Variants in SACS observed in about 807,000 individuals in gnomAD.
SACS encodes the protein sacsin molecular chaperone.
A neutral mutation model predicts 348.0 loss-of-function variants in SACS; 197 were observed. The ratio of observed to expected loss-of-function variants is 0.57; its 90% confidence interval spans 0.50 to 0.64. The LOEUF is 0.64. SACS is among the 30% of genes least tolerant of loss of function. The pLI, the probability that SACS is intolerant of heterozygous loss-of-function variation, is 0.00. For synonymous variants in SACS, 1,985 were observed against 1,910.6 expected, an observed-to-expected ratio of 1.04 and a Z score of -1.02; for missense variants, 4,999 against 5,360.8, an observed-to-expected ratio of 0.93 and a Z score of 2.11.
intron 1 of SACS, chr13:23,427,749 G>A (rs1874245586): frequency 6.6e-6 from 1 of 152,226 alleles, no homozygotes; most frequent in Non-Finnish European, 1.5e-5. Flanking sequence ...TTCCTGAGGT[G>A]ACAAAGTGAA....
chr13:23,379,848 A>G (rs968996789), intron 2 of SACS, among the ~76,000 whole-genome samples: 2 of 152,332 alleles, frequency 1.3e-5, no homozygotes, highest in Non-Finnish European at 1.5e-5. Context: ...ATTGTCTTCT[A>G]TGAACAGGGC....
At chr13:23,412,514 A>G (rs1223737804) in intron 1 of SACS, among the ~76,000 whole-genome samples, 5 of 149,890 alleles carry the variant, frequency 3.3e-5, no homozygotes. Context: ...CCCGAGTTCA[A>G]GTGATTCTTC....
chr13:23,409,647 C>G (rs768480147), intron 2 of SACS, among the ~76,000 whole-genome samples: 8 of 151,846 alleles, frequency 5.3e-5, no homozygotes, highest in Non-Finnish European at 8.8e-5. Context: ...TATAAACCAG[C>G]CTGGTTTGAT....
At chr13:23,418,689 A>G (rs1270756326) in intron 1 of SACS, among the ~76,000 whole-genome samples, 1 of 152,120 alleles carries the variant, frequency 6.6e-6, no homozygotes, top group East Asian at 1.9e-4. Flanking sequence ...TATTTTTAGT[A>G]GAGAGGGGAT....
intron 9 of SACS, among the ~76,000 whole-genome samples, chr13:23,349,724 T>C (rs1219165386): frequency 6.6e-6 from 1 of 152,168 alleles, no homozygotes; most frequent in Non-Finnish European, 1.5e-5. Flanking sequence ...CTGGGGACCT[T>C]GAGATATACC....
chr13:23,374,282 G>T (rs1489980019), intron 3 of SACS, among the ~76,000 whole-genome samples: 1 of 152,138 alleles, frequency 6.6e-6, no homozygotes, highest in Non-Finnish European at 1.5e-5. Context: ...AGAAGGTCAG[G>T]ATTACACTGA....
Position 23,338,343 on chromosome 13 carries a change from G to T in SACS, c.5533C>A (p.Pro1845Thr). 6.2e-7 allele frequency: 1 copy of T among 1,614,068 alleles called. No individual in the cohort carries two copies. Among genetic ancestry groups the T allele is most frequent in the Non-Finnish European group, 8.5e-7 (1 of 1,179,998 alleles). ...AGCTGAACTCCTACTGCCCCACATG[G>T]AACCAGTCCTAGTCTTCTTCCACTC... is the stretch of plus-strand genomic sequence containing the variant. ...SESGRRLGLVPCGAVGVQLSE... is the reference protein window; with the variant it reads ...SESGRRLGLVTCGAVGVQLSE... The change falls in exon 10 of 10, where the codon CCA becomes ACA. Residue 1845 changes from proline to threonine, a missense_variant. By Grantham distance (38) the Pro-to-Thr change is conservative. Transcript: ENST00000382292.
In SACS at chr13:23,332,149, G is replaced by C. The variant is rs781137334; in HGVS notation, c.11727C>G (p.Leu3909=). ...TTACCAATCTACCATCCTGGCTTGGGAGGTAAAGCGCAAGGTCTCGTACAT... is the reference window on the plus strand; with the variant it reads ...TTACCAATCTACCATCCTGGCTTGGCAGGTAAAGCGCAAGGTCTCGTACAT... ...LENVRDLALY[L]PSQDGRLVKS... is the part of the protein sequence containing the mutation. Residue 3909 remains leucine (L), a synonymous_variant, in exon 10 of 10, where the codon CTC becomes CTG. Transcript: ENST00000382292. 1 of 1,613,902 alleles carries C rather than the reference G, an allele frequency of 6.2e-7. No individual in the cohort carries two copies. Among genetic ancestry groups the C allele is most frequent in the East Asian group, 2.2e-5 (1 of 44,892 alleles).
At chr13:23,413,084 C>T (rs530048984) in intron 1 of SACS, among the ~76,000 whole-genome samples, 2 of 151,956 alleles carry the variant, frequency 1.3e-5, no homozygotes, top group African/African-American at 4.8e-5. Flanking sequence ...TTCAATCGAT[C>T]CTCCAGCCTC....
Position 23,336,743 on chromosome 13 carries a change from T to A in SACS, c.7133A>T (p.Tyr2378Phe). Residue 2378 changes from tyrosine (Y) to phenylalanine (F), a missense_variant, in exon 10 of 10, where the codon TAT becomes TTT. Around this residue, in one of 6 missense-constraint regions of SACS, gnomAD observed 3,156 missense variants for 3,380.1 expected, o/e 0.93. Transcript: ENST00000382292. ...APYLYQLPNKYKNNFRELFET... is the reference protein window; with the variant it reads ...APYLYQLPNKFKNNFRELFET... ...AAAAAGTTCGCGGAAATTATTTTTA[T>A]ACTTATTAGGCAACTGATAAAGGTA... The A allele has an allele frequency of 1.9e-6, 3 of 1,613,920 alleles. No individual in the cohort carries two copies. The highest frequency in any genetic ancestry group is 2.5e-6 in the Non-Finnish European group (3 of 1,179,900).
chr13:23,359,959 A>G (rs1203332791), intron 6 of SACS, among the ~76,000 whole-genome samples: 1 of 152,216 alleles, frequency 6.6e-6, no homozygotes, highest in Non-Finnish European at 1.5e-5. Context: ...TGGAAAGTGC[A>G]AACAGTCAAG....
intron 2 of SACS, among the ~76,000 whole-genome samples, chr13:23,407,239 T>C (rs1416696345): frequency 6.6e-6 from 1 of 152,156 alleles, no homozygotes; most frequent in African/African-American, 2.4e-5. Flanking sequence ...TGCTCTGTTG[T>C]CCAGGCTGGA....
chr13:23,353,648 C>A, intron 9 of SACS, 137 bp downstream of exon 9: 1 of 614,930 alleles, frequency 1.6e-6, no homozygotes, highest in Non-Finnish European at 2.9e-6. Context: ...ACTGAAATAT[C>A]TTAAAACACA....
At position 23,375,178 on chromosome 13, in the gene SACS, TAC is replaced by T. The variant is rs1353360817; in HGVS notation, c.110_111del (p.Arg37HisfsTer23). 7 of 1,505,834 alleles carry T rather than the reference TAC, an allele frequency of 4.6e-6. No homozygotes were observed. The highest frequency in any genetic ancestry group is 6.2e-6 in the Non-Finnish European group (7 of 1,127,542). 93.3% of individuals were successfully genotyped at this position (1,505,834 alleles called of 1,614,324 possible). ...ACCGGGAAGCCAGTCTCCGCGAAGA[TAC>T]GTTCCTTCACATCGCGCACGGTCCA... Reference protein sequence around the residue: ...ASWTVRDVKERIFAETGFPVS... With the variant: ...ASWTVRDVKEXIFAETGFPVS... On this transcript the variant is annotated frameshift_variant, in exon 3 of 10. Coordinates refer to ENST00000382292, the MANE Select transcript of SACS (RefSeq NM_014363.6). LOFTEE classifies it high-confidence loss of function.
At chr13:23,361,393 G>C (rs1256448520) in intron 6 of SACS, among the ~76,000 whole-genome samples, 1 of 152,176 alleles carries the variant, frequency 6.6e-6, no homozygotes, top group Non-Finnish European at 1.5e-5. Flanking sequence ...TTCACTCTCT[G>C]CCTCTATTAC....
Position 23,411,402 on chromosome 13 carries a change from T to G in SACS, c.-163A>C. ...TTTTCCCTTCAGTGTCCATTCATCATCTGATGTCAGGAAACATTGTCGTGT... is the reference window on the plus strand; with the variant it reads ...TTTTCCCTTCAGTGTCCATTCATCAGCTGATGTCAGGAAACATTGTCGTGT... On this transcript the variant is annotated 5_prime_UTR_variant, in exon 2 of 10. The change abolishes an upstream ATG in the 5' untranslated region. Transcript: ENST00000382292. 1 of 678,900 alleles carries G rather than the reference T, an allele frequency of 1.5e-6. No homozygotes were observed. The allele number at this position is 678,900 out of a possible 1,614,324, so 42.1% of individuals were successfully genotyped here.
chr13:23,380,684 G>A (rs1050551446), intron 2 of SACS, among the ~76,000 whole-genome samples: 46 of 152,156 alleles, frequency 3.0e-4, no homozygotes, highest in Non-Finnish European at 2.8e-4. Context: ...CATGATGAAA[G>A]ACAGAGTCAG....
intron 1 of SACS, chr13:23,426,857 C>T (rs1016842720): frequency 1.3e-5 from 2 of 152,098 alleles, no homozygotes; most frequent in Admixed American, 1.3e-4. Flanking sequence ...GCAGGTTTGC[C>T]CTAAGCAGTT....
At chr13:23,353,937 A>C in intron 8 of SACS, 61 bp from the exon 9 acceptor site, 1 of 993,604 alleles carries the variant, frequency 1.0e-6, no homozygotes. Flanking sequence ...ATTTTAAAAA[A>C]ACAATCACAT....
Sources: allele counts gnomAD v4.1 joint callset (sites outside exome capture counted in the v4.1 genomes callset), GRCh38; gene constraint gnomAD v4.1.1; regional missense constraint gnomAD v4.1.1; transcripts MANE v1.5; gene names NCBI Gene and HGNC (gene_info 2026-07-23, HGNC 2026-07-21).